The following WSB2 variants were observed in gnomAD, a reference collection of about 807,000 sequenced individuals.
The protein encoded by WSB2 is WD repeat and SOCS box containing 2, also known as WD repeat and SOCS box-containing protein 2.
A neutral mutation model predicts 48.8 loss-of-function variants in WSB2; 12 were observed. That is an observed-to-expected ratio of 0.25 (90% CI 0.16 to 0.40). The LOEUF (loss-of-function observed/expected upper bound fraction) is 0.40. Ranked by LOEUF, WSB2 falls within the 10% of genes least tolerant of loss-of-function variation. The pLI is 1.00. For synonymous variants in WSB2, 191 were observed against 203.1 expected, an observed-to-expected ratio of 0.94 and a Z score of 0.51; for missense variants, 317 against 506.2, an observed-to-expected ratio of 0.63 and a Z score of 3.59.
intron 2 of WSB2, among the ~76,000 whole-genome samples, chr12:118,046,246 A>G (rs552023430): frequency 2.0e-4 from 30 of 152,182 alleles, no homozygotes; most frequent in African/African-American, 7.2e-4. Flanking sequence ...GGATCACTTG[A>G]GGTCGGGAGT....
intron 2 of WSB2, among the ~76,000 whole-genome samples, chr12:118,047,863 T>C (rs1269347759): frequency 6.6e-6 from 1 of 152,256 alleles, no homozygotes; most frequent in Non-Finnish European, 1.5e-5. Flanking sequence ...AATTTTTGTG[T>C]ATATACACAA....
At chr12:118,036,164 T>C in intron 6 of WSB2, 174 bp downstream of exon 6, 1 of 744,014 alleles carries the variant, frequency 1.3e-6, no homozygotes, top group Non-Finnish European at 2.1e-6. Flanking sequence ...ATTGCGCCAC[T>C]GCACTCCAGC....
chr12:118,034,953 C>T, intron 8 of WSB2, 33 bp downstream of exon 8: 1 of 1,596,284 alleles, frequency 6.3e-7, no homozygotes, highest in Non-Finnish European at 8.6e-7. Flanking sequence ...CAGCAGAAAG[C>T]ACCACCCATC....
At position 118,061,114 on chromosome 12, in the gene WSB2, T is replaced by C. The variant is rs1305136228; in HGVS notation, c.-66A>G. The C allele has an allele frequency of 1.6e-5, 16 of 977,654 alleles. No homozygotes were observed. In the Admixed American group the frequency reaches 9.7e-4, roughly 59 times the overall value. The allele number at this position is 977,654 out of a possible 1,614,324, so 60.6% of individuals were successfully genotyped here. A position where few individuals can be genotyped will look rare whatever the true frequency, so the allele number is the denominator to read the frequency against. ...CAGCCCCCCGGGCCGCGGGCCCTCA[T>C]GCCGCCCCCGCGCCGCCCGCCCCGG... On this transcript the variant is annotated 5_prime_UTR_variant, in exon 1 of 9. An upstream start codon of the reference 5' UTR is lost. Transcript: ENST00000315436.
chr12:118,034,531 C>CTGA (rs2031454908), intron 8 of WSB2, 173 bp from the exon 9 acceptor site: 1 of 725,076 alleles, frequency 1.4e-6, no homozygotes, highest in Non-Finnish European at 2.1e-6. Flanking sequence ...ATTAAAGCTG[C>CTGA]TGATAGGATT....
chr12:118,035,452 G>T, intron 6 of WSB2, 128 bp from the exon 7 acceptor site: 1 of 752,060 alleles, frequency 1.3e-6, no homozygotes, highest in Non-Finnish European at 2.2e-6. Context: ...TGTGCCCCTC[G>T]TGGAAAAGCT....
At chr12:118,047,544 TTC>T (rs1343454124) in intron 2 of WSB2, among the ~76,000 whole-genome samples, 4 of 152,232 alleles carry the variant, frequency 2.6e-5, no homozygotes, top group African/African-American at 7.2e-5. Flanking sequence ...ATGCCCCAAA[TTC>T]TCTCTTTTAA....
rs2032038574 is a variant in WSB2, at chr12:118,060,381, C to T, written c.13+655G>A. ...TGTATCCTAAATTTGCCTGATCATA[C>T]ATGTCACCAGGGATCAGCGTCTCCA... On this transcript the variant is annotated intron_variant, in intron 1 of 8. Transcript: ENST00000315436. This position sits in a 1 kb window ranked among gnomAD's most constrained non-coding sequence, Gnocchi z 4.1. Among the ~76,000 whole-genome samples the T allele has an allele frequency of 6.6e-6, 1 of 152,160 alleles. No individual in the cohort carries two copies. Among genetic ancestry groups the T allele is most frequent in the Non-Finnish European group, 1.5e-5 (1 of 68,034 alleles).
At chr12:118,041,549 G>A (rs951207193) in intron 4 of WSB2, among the ~76,000 whole-genome samples, 1 of 152,060 alleles carries the variant, frequency 6.6e-6, no homozygotes, top group Non-Finnish European at 1.5e-5. Flanking sequence ...GACAGTCATA[G>A]CTTGGGAGAG....
chr12:118,050,569 G>A (rs1247653181), intron 2 of WSB2, among the ~76,000 whole-genome samples: 1 of 152,036 alleles, frequency 6.6e-6, no homozygotes, highest in Non-Finnish European at 1.5e-5. Context: ...AGACCAGCAG[G>A]TTGAGGCTGC....
rs748354611 is a variant in WSB2, at chr12:118,055,607, C to CTTTTTTTTT, written c.14-3138_14-3130dup. Among the ~76,000 whole-genome samples, 27 of 81,706 alleles carry CTTTTTTTTT rather than the reference C, an allele frequency of 3.3e-4. 2 individuals are homozygous for CTTTTTTTTT. The highest frequency in any genetic ancestry group is 4.3e-4 in the African/African-American group (8 of 18,752). The allele number at this position is 81,706 out of a possible 152,430, so 53.6% of individuals were successfully genotyped here. On this transcript the variant is annotated intron_variant, in intron 1 of 8. Transcript: ENST00000315436. ...ATTGGTTCACTTCCTCTACATTATC[C>CTTTTTTTTT]TTTTTTTTTTTTTTTTTTTTTTTTT...
chr12:118,055,109 G>C (rs990036450), intron 1 of WSB2, among the ~76,000 whole-genome samples: 4 of 152,012 alleles, frequency 2.6e-5, no homozygotes, highest in African/African-American at 9.7e-5. Context: ...AATCCTCCTA[G>C]AAATCTGTAT....
chr12:118,054,906 C>T (rs2137797002), intron 1 of WSB2, among the ~76,000 whole-genome samples: 1 of 150,174 alleles, frequency 6.7e-6, no homozygotes, highest in South Asian at 2.1e-4. Flanking sequence ...AGGCCAGGCA[C>T]GGTGGCTCAC....
intron 1 of WSB2, among the ~76,000 whole-genome samples, chr12:118,059,352 A>C (rs2032020748): frequency 6.6e-6 from 1 of 152,146 alleles, no homozygotes; most frequent in Non-Finnish European, 1.5e-5. Context: ...TTTAAATTAC[A>C]TACGTGGCTC....
chr12:118,034,895 A>C, intron 8 of WSB2, 91 bp downstream of exon 8: 1 of 1,289,682 alleles, frequency 7.8e-7, no homozygotes, highest in Non-Finnish European at 1.1e-6. Context: ...CCTCATAGGC[A>C]AGAAAATTCT....
At chr12:118,042,688 G>A (rs539649431) in intron 4 of WSB2, 153 bp downstream of exon 4, 34 of 1,234,426 alleles carry the variant, frequency 2.8e-5, no homozygotes, top group African/African-American at 2.0e-4. Context: ...GGGCAGGGGC[G>A]ATTAGGAAAA....
At position 118,038,376 on chromosome 12, in the gene WSB2, T is replaced by C; in HGVS notation, c.572A>G (p.Gln191Arg). 6.2e-7 allele frequency: 1 copy of C among 1,614,002 alleles called. No homozygotes were observed. Among genetic ancestry groups the C allele is most frequent in the Non-Finnish European group, 8.5e-7 (1 of 1,179,984 alleles). ...CCACTGCAGGTGGCCCGATAACACTTGAATCTGTTTACCTGGCAGGAAAAA... is the reference window on the plus strand; with the variant it reads ...CCACTGCAGGTGGCCCGATAACACTCGAATCTGTTTACCTGGCAGGAAAAA... ...WDLNKHGKQI[Q>R]VLSGHLQWVY... Residue 191 changes from glutamine (Q) to arginine (R), a missense_variant, in exon 5 of 9, where the codon CAA becomes CGA. This residue lies in a region of WSB2 where 189 missense variants were observed against 349.6 expected (regional missense o/e 0.54). Transcript: ENST00000315436.
chr12:118,061,169 A>C lies in WSB2; in HGVS notation c.-121T>G. ...GCCGCCGCCGCCGCCCGGAGAGGCC[A>C]TCAGCTGCTTCCCGTCACATGGCGG... On this transcript the variant is annotated 5_prime_UTR_variant, in exon 1 of 9. An upstream start codon of the reference 5' UTR is lost. Transcript: ENST00000315436. The C allele has an allele frequency of 1.0e-6, 1 of 982,970 alleles. No homozygotes were observed. 60.9% of individuals were successfully genotyped at this position (982,970 alleles called of 1,614,324 possible).
chr12:118,053,907 C>T (rs1797256252), intron 1 of WSB2, among the ~76,000 whole-genome samples: 1 of 152,050 alleles, frequency 6.6e-6, no homozygotes, highest in African/African-American at 2.4e-5. Context: ...TAAGACACAT[C>T]TTTATATATC....
Sources: allele counts gnomAD v4.1 joint callset (sites outside exome capture counted in the v4.1 genomes callset), GRCh38; gene constraint gnomAD v4.1.1; regional missense constraint gnomAD v4.1.1; non-coding constraint Gnocchi (gnomAD v3.1); transcripts MANE v1.5; gene names NCBI Gene and HGNC (gene_info 2026-07-23, HGNC 2026-07-21).